The following PCDH15 variants were observed in gnomAD, a reference collection of about 807,000 sequenced individuals.
PCDH15 encodes the protein protocadherin-15.
A neutral mutation model predicts 178.5 loss-of-function variants in PCDH15; 129 were observed. The observed-to-expected ratio is 0.72, with a 90% CI of 0.63 to 0.84. The LOEUF (loss-of-function observed/expected upper bound fraction) is 0.84. PCDH15 is among the 40% of genes least tolerant of loss of function. PCDH15 has a pLI of 0.00. For missense variants in PCDH15, 2,230 were observed against 2,099.9 expected (o/e 1.06, Z -1.21); for synonymous variants, 800 against 732.0 (o/e 1.09, Z -1.50).
intron 2 of PCDH15, among the ~76,000 whole-genome samples, chr10:55,132,438 T>C (rs1159756906): frequency 6.6e-6 from 1 of 152,180 alleles, no homozygotes; most frequent in Non-Finnish European, 1.5e-5. Context: ...AGTAGTAGCA[T>C]TTGGGGTTTT....
In PCDH15 at chr10:54,179,690, A is replaced by G. The variant is rs186694964; in HGVS notation, c.1590+3754T>C. On this transcript the variant is annotated intron_variant, in intron 13 of 37. Transcript: ENST00000644397. ...CATATTAGAACTGTTTCAATTTCTT[A>G]AATAAAATCTGTCTAAGTGAGTCCG... Among the ~76,000 whole-genome samples, 611 of 152,282 alleles carry G rather than the reference A, an allele frequency of 4.0e-3. 4 individuals carry two copies. Among genetic ancestry groups the G allele is most frequent in the African/African-American group, 0.014 (583 of 41,544 alleles).
In PCDH15 at chr10:54,500,470, A is replaced by C. The variant is rs576973661; in HGVS notation, c.157+27342T>G. Reference sequence around the variant, plus strand: ...GTTGAGAATAGAAAAAAACAAAAACATATTAACCCCCAAATGATTTACTGT... The same window carrying C: ...GTTGAGAATAGAAAAAAACAAAAACCTATTAACCCCCAAATGATTTACTGT... On this transcript the variant is annotated intron_variant, in intron 3 of 37. Transcript: ENST00000644397. Among the ~76,000 whole-genome samples the C allele has an allele frequency of 2.6e-5, 4 of 152,242 alleles. No homozygotes were observed. The East Asian group carries it at 7.8e-4, about 30-fold the overall frequency.
intron 26 of PCDH15, among the ~76,000 whole-genome samples, chr10:53,896,299 C>T (rs978464876): frequency 2.0e-5 from 3 of 152,158 alleles, no homozygotes; most frequent in Non-Finnish European, 4.4e-5. Flanking sequence ...CTAGCTTCAA[C>T]TTTCCTTCTT....
intron 15 of PCDH15, among the ~76,000 whole-genome samples, chr10:54,132,228 A>T (rs1245643905): frequency 6.6e-6 from 1 of 152,218 alleles, no homozygotes; most frequent in Non-Finnish European, 1.5e-5. Flanking sequence ...ATTCAGTCAA[A>T]GATAGAGCTT....
At chr10:54,514,038 T>C (rs2081967874) in intron 3 of PCDH15, among the ~76,000 whole-genome samples, 1 of 152,216 alleles carries the variant, frequency 6.6e-6, no homozygotes, top group African/African-American at 2.4e-5. Context: ...TCTGTCTTTT[T>C]ATATAGGGAA....
chr10:55,321,405 G>A (rs1843897295), upstream of PCDH15, among the ~76,000 whole-genome samples: 1 of 152,114 alleles, frequency 6.6e-6, no homozygotes, highest in Non-Finnish European at 1.5e-5. Context: ...GAGAAAGCAA[G>A]CAACTTGAAA....
intron 5 of PCDH15, among the ~76,000 whole-genome samples, chr10:54,347,203 C>T (rs900840323): frequency 5.9e-5 from 9 of 152,038 alleles, no homozygotes; most frequent in East Asian, 1.9e-4. Flanking sequence ...TAGGTTTTTG[C>T]GCAATGTGCT....
chr10:55,388,243 A>G (rs1837708826), intron 2 of PCDH15, among the ~76,000 whole-genome samples: 1 of 152,016 alleles, frequency 6.6e-6, no homozygotes, highest in South Asian at 2.1e-4. Flanking sequence ...TCTTCCCCAT[A>G]TGTTTAACAT....
At chr10:55,423,912 A>G (rs1838685839) in intron 2 of PCDH15, among the ~76,000 whole-genome samples, 1 of 152,100 alleles carries the variant, frequency 6.6e-6, no homozygotes, top group African/African-American at 2.4e-5. Context: ...AGAGGGTATA[A>G]GCAGCATCAG....
At chr10:54,711,947 T>C (rs752082606) in intron 1 of PCDH15, among the ~76,000 whole-genome samples, 1 of 151,902 alleles carries the variant, frequency 6.6e-6, no homozygotes, top group African/African-American at 2.4e-5. Context: ...AGTAATTGTA[T>C]TGAGATTTGT....
chr10:55,122,432 A>C (rs1837794247), intron 2 of PCDH15, among the ~76,000 whole-genome samples: 1 of 152,162 alleles, frequency 6.6e-6, no homozygotes, highest in African/African-American at 2.4e-5. Context: ...TAATAAAATA[A>C]TTGAGTAAAT....
chr10:54,368,252 C>T (rs980302213), intron 5 of PCDH15, among the ~76,000 whole-genome samples: 1 of 151,646 alleles, frequency 6.6e-6, no homozygotes, highest in Non-Finnish European at 1.5e-5. Context: ...AGGTTAAAGG[C>T]CCAAATGATC....
intron 2 of PCDH15, among the ~76,000 whole-genome samples, chr10:55,010,553 T>A (rs1840025020): frequency 6.6e-6 from 1 of 152,070 alleles, no homozygotes; most frequent in African/African-American, 2.4e-5. Flanking sequence ...CTTACTTGAA[T>A]GACAAGAAGT....
intron 2 of PCDH15, among the ~76,000 whole-genome samples, chr10:54,552,396 G>T (rs1440547418): frequency 6.6e-6 from 1 of 152,100 alleles, no homozygotes; most frequent in Admixed American, 6.6e-5. Flanking sequence ...TGAGAATTAA[G>T]CCTTTATTTA....
chr10:54,499,995 A>T (rs1276275908), intron 3 of PCDH15, among the ~76,000 whole-genome samples: 1 of 152,168 alleles, frequency 6.6e-6, no homozygotes, highest in Non-Finnish European at 1.5e-5. Flanking sequence ...ACATGCGCAC[A>T]TATGTTCATT....
At position 55,072,357 on chromosome 10, in the gene PCDH15, T is replaced by G. The variant is rs182043488; in HGVS notation, c.-80+94219A>C. Among the ~76,000 whole-genome samples, 46 of 152,084 alleles carry G rather than the reference T, an allele frequency of 3.0e-4. No homozygotes were observed. In the East Asian group the frequency reaches 6.4e-3, roughly 21 times the overall value. ...AAAATTGATAGACCACTAGCAAGAC[T>G]AATAAAGAAAAAATGAGAGAAGAAT... On this transcript the variant is annotated intron_variant, in intron 2 of 5. Coordinates refer to the PCDH15 transcript ENST00000458638.
chr10:55,412,495 A>G (rs1173680863), intron 2 of PCDH15, among the ~76,000 whole-genome samples: 1 of 151,936 alleles, frequency 6.6e-6, no homozygotes, highest in East Asian at 1.9e-4. Flanking sequence ...AAGTACCCTG[A>G]GAGAAATCTT....
intron 29 of PCDH15, among the ~76,000 whole-genome samples, chr10:53,839,129 G>A (rs572178044): frequency 1.1e-4 from 17 of 150,368 alleles, no homozygotes; most frequent in African/African-American, 3.4e-4. Context: ...GCGTGAACCC[G>A]GGAGGTGGAG....
At chr10:54,997,295 G>A (rs1260021902) in intron 2 of PCDH15, among the ~76,000 whole-genome samples, 10 of 152,070 alleles carry the variant, frequency 6.6e-5, no homozygotes, top group Admixed American at 6.5e-4. Context: ...ATCTTTGTGT[G>A]TGTATATACA....
Sources: allele counts gnomAD v4.1 joint callset (sites outside exome capture counted in the v4.1 genomes callset), GRCh38; gene constraint gnomAD v4.1.1; transcripts MANE v1.5; gene names NCBI Gene and HGNC (gene_info 2026-07-23, HGNC 2026-07-21).